ELF5: variants seen among roughly 807,000 people sequenced by gnomAD.
ELF5 encodes the protein E74 like ETS transcription factor 5.
A neutral mutation model predicts 38.2 loss-of-function variants in ELF5; 31 were observed. The ratio of observed to expected loss-of-function variants is 0.81; its 90% CI spans 0.61 to 1.10. The LOEUF (loss-of-function observed/expected upper bound fraction) is 1.10. Among genes scored for constraint, ELF5 ranks in the 50% least tolerant of loss-of-function variants. The probability of loss-of-function intolerance (pLI) is 0.00; values close to 1 mark genes in which losing one functional copy is unlikely to be tolerated. For synonymous variants in ELF5, 121 were observed against 112.5 expected, an observed-to-expected ratio of 1.08 and a Z score of -0.48; for missense variants, 300 against 306.6, an observed-to-expected ratio of 0.98 and a Z score of 0.16.
chr11:34,488,283 G>C (rs1219648017), intron 4 of ELF5, among the ~76,000 whole-genome samples: 2 of 152,282 alleles, frequency 1.3e-5, no homozygotes, highest in South Asian at 2.1e-4. Context: ...CATATAGTAA[G>C]TGTCCAATAA....
At chr11:34,512,552 G>A (rs938896221) in intron 1 of ELF5, among the ~76,000 whole-genome samples, 3 of 150,166 alleles carry the variant, frequency 2.0e-5, no homozygotes, top group Non-Finnish European at 4.4e-5. Context: ...GCCCCTCTTC[G>A]AACTACGGTT....
At chr11:34,489,413 C>G (rs978404305) in intron 4 of ELF5, among the ~76,000 whole-genome samples, 1 of 152,174 alleles carries the variant, frequency 6.6e-6, no homozygotes, top group African/African-American at 2.4e-5. Flanking sequence ...CTCCTGGCCT[C>G]TGGGCCAGGG....
chr11:34,511,360 C>G (rs1023041064), intron 1 of ELF5, among the ~76,000 whole-genome samples: 1 of 152,152 alleles, frequency 6.6e-6, no homozygotes, highest in Non-Finnish European at 1.5e-5. Context: ...TAGCTGGGTA[C>G]CTTAAACACT....
In ELF5 at chr11:34,479,368, C is replaced by A. The variant is rs1467899766; in HGVS notation, c.*850G>T. 1 of 152,136 alleles carries A rather than the reference C, an allele frequency of 6.6e-6. No homozygotes were observed. The highest frequency in any genetic ancestry group is 1.5e-5 in the Non-Finnish European group (1 of 68,036). 9.4% of individuals were successfully genotyped at this position (152,136 alleles called of 1,614,324 possible). On this transcript the variant is annotated 3_prime_UTR_variant, in exon 7 of 7. Transcript: ENST00000257832. ...ACTAACTCTGCATATCAGATGCCAG[C>A]CATCAGTTAGAAGGGGGAATAAACT...
intron 2 of ELF5, among the ~76,000 whole-genome samples, chr11:34,502,094 G>A (rs1469611656): frequency 6.6e-6 from 1 of 152,182 alleles, no homozygotes; most frequent in Non-Finnish European, 1.5e-5. Context: ...TGGCTAGGGT[G>A]AGCACTTCCC....
At chr11:34,507,631 G>A (rs12418222) in intron 1 of ELF5, among the ~76,000 whole-genome samples, 21,325 of 152,228 alleles carry the variant, frequency 0.14, 1,654 homozygotes, top group Admixed American at 0.21. Flanking sequence ...TGCTTCCCAT[G>A]TTCCCACATG....
In ELF5 at chr11:34,493,501, G is replaced by A. The variant is rs1437692976; in HGVS notation, c.333C>T (p.Ile111=). 5 of 1,613,948 alleles carry A rather than the reference G, an allele frequency of 3.1e-6. No individual in the cohort carries two copies. Among genetic ancestry groups the A allele is most frequent in the Non-Finnish European group, 4.2e-6 (5 of 1,179,936 alleles). The part of the protein sequence containing the change: ...AGLCGEYLYF[I]LQNIRTQGYS... ...GACCTTGTGTGCGGATGTTCTGGAG[G>A]ATGAAGTACAGGTACTCGCCGCAGA... The change falls in exon 3 of 7, where the codon ATC becomes ATT. Residue 111 remains isoleucine (I), a synonymous_variant. Coordinates refer to ENST00000257832, the MANE Select transcript of ELF5 (RefSeq NM_001422.4).
chr11:34,505,611 T>C lies in ELF5; in HGVS notation c.121+18A>G. The C allele has an allele frequency of 6.2e-7, 1 of 1,613,130 alleles. No individual in the cohort carries two copies. The highest frequency in any genetic ancestry group is 8.5e-7 in the Non-Finnish European group (1 of 1,179,470). ...CCATCCTGGCTGCACTCAGATGGGC[T>C]CCTTCAAATGTACGCACCTGTCTGA... On this transcript the variant is annotated intron_variant, in intron 2 of 6. Coordinates refer to ENST00000257832, the MANE Select transcript of ELF5 (RefSeq NM_001422.4).
intron 4 of ELF5, among the ~76,000 whole-genome samples, chr11:34,484,481 A>ATACTATCCTATCCTATACTATACTAT (rs111444312): frequency 8.6e-5 from 10 of 115,854 alleles, no homozygotes; most frequent in African/African-American, 3.3e-4. Context: ...ACACTATACT[A>ATACTATCCTATCCTATACTATACTAT]ACTATACTAT....
intron 1 of ELF5, among the ~76,000 whole-genome samples, chr11:34,511,062 C>T (rs1418940893): frequency 1.3e-5 from 2 of 152,208 alleles, no homozygotes; most frequent in Non-Finnish European, 2.9e-5. Context: ...AAACAGCCCC[C>T]AAGGTCTGCC....
At chr11:34,492,939 C>T (rs890392997) in intron 3 of ELF5, 23 of 168,858 alleles carry the variant, frequency 1.4e-4, no homozygotes, top group Admixed American at 2.7e-4. Flanking sequence ...TCTCAAAGAA[C>T]CTTTCTGGAT....
chr11:34,481,031 T>A, intron 5 of ELF5, 64 bp from the exon 6 acceptor site: 1 of 1,264,908 alleles, frequency 7.9e-7, no homozygotes, highest in Non-Finnish European at 1.0e-6. Flanking sequence ...ATTAATTAAT[T>A]AATTTTTTTG....
At chr11:34,512,626 CG>C (rs2133909747) in intron 1 of ELF5, among the ~76,000 whole-genome samples, 1 of 149,824 alleles carries the variant, frequency 6.7e-6, no homozygotes, top group South Asian at 2.1e-4. Flanking sequence ...ATGCAAAGGA[CG>C]GGGCATAATA....
intron 4 of ELF5, among the ~76,000 whole-genome samples, chr11:34,484,659 A>G (rs1392182530): frequency 6.6e-6 from 1 of 152,088 alleles, no homozygotes; most frequent in Non-Finnish European, 1.5e-5. Context: ...CCACTGGGTC[A>G]TGTCACCTCG....
intron 2 of ELF5, among the ~76,000 whole-genome samples, chr11:34,502,769 T>C (rs1850505895): frequency 6.6e-6 from 1 of 152,196 alleles, no homozygotes; most frequent in African/African-American, 2.4e-5. Flanking sequence ...CATGACTTGA[T>C]GGGAATTTCT....
intron 2 of ELF5, among the ~76,000 whole-genome samples, chr11:34,498,124 C>G (rs1026529806): frequency 1.3e-5 from 2 of 152,168 alleles, no homozygotes; most frequent in Non-Finnish European, 2.9e-5. Context: ...GTCTCTCACA[C>G]TTAGTGGTCC....
chr11:34,494,184 A>G (rs1470059609), intron 2 of ELF5, among the ~76,000 whole-genome samples: 8 of 152,184 alleles, frequency 5.3e-5, no homozygotes, highest in Admixed American at 2.0e-4. Flanking sequence ...GCCCAGGACT[A>G]TTATGGAGTT....
chr11:34,500,298 T>G (rs1443568235), intron 2 of ELF5, among the ~76,000 whole-genome samples: 1 of 152,172 alleles, frequency 6.6e-6, no homozygotes, highest in Non-Finnish European at 1.5e-5. Flanking sequence ...GTGAATGAAC[T>G]GGATAGCAGG....
chr11:34,505,504 C>A, intron 2 of ELF5, 125 bp downstream of exon 2: 1 of 1,431,806 alleles, frequency 7.0e-7, no homozygotes. Flanking sequence ...GCCCTCCAGC[C>A]CTCTGCCCTG....
Sources: gnomAD v4.1 joint callset for allele counts (sites outside exome capture counted in the v4.1 genomes callset) on GRCh38, gnomAD v4.1.1 for gene constraint, MANE v1.5 for transcripts, NCBI Gene and HGNC (gene_info 2026-07-23, HGNC 2026-07-21) for gene names.